SP6: variants seen among roughly 807,000 people sequenced by gnomAD.
SP6 encodes transcription factor Sp6.
In SP6, 10 loss-of-function variants were observed where a neutral mutation model predicts 23.4. The observed-to-expected ratio is 0.43, with a 90% confidence interval of 0.26 to 0.72. The LOEUF (loss-of-function observed/expected upper bound fraction) is 0.72. Ranked by LOEUF, SP6 falls within the 30% of genes least tolerant of loss-of-function variation. SP6 has a pLI of 0.23. For synonymous variants in SP6, 238 were observed against 238.7 expected (o/e 1.00, Z 0.03); for missense variants, 482 against 523.8 (o/e 0.92, Z 0.78).
upstream of SP6, among the ~76,000 whole-genome samples, chr17:47,858,767 C>CTTTTTTTTTTTTTTTTTTTT (rs36092685): frequency 1.4e-4 from 13 of 92,648 alleles, 4 homozygotes; most frequent in Non-Finnish European, 1.4e-4. Flanking sequence ...GATGAAGCAT[C>CTTTTTTTTTTTTTTTTTTTT]TTTTTTTTTT....
the SP6 span, among the ~76,000 whole-genome samples, chr17:47,873,489 A>G: frequency 6.6e-6 from 1 of 152,220 alleles, no homozygotes; most frequent in Non-Finnish European, 1.5e-5. Flanking sequence ...GGGAGGGGAA[A>G]GAGCACAGAA....
chr17:47,873,623 A>T, the SP6 span, among the ~76,000 whole-genome samples: 3 of 152,202 alleles, frequency 2.0e-5, no homozygotes, highest in South Asian at 6.2e-4. Context: ...TATCTCTGGG[A>T]AAAAAGGCTC....
At chr17:47,850,563 G>T (rs1287573947) in intron 1 of SP6, among the ~76,000 whole-genome samples, 6 of 152,246 alleles carry the variant, frequency 3.9e-5, no homozygotes, top group African/African-American at 1.4e-4. Context: ...TTCAGGAAAG[G>T]AGAGAGCACA....
upstream of SP6, among the ~76,000 whole-genome samples, chr17:47,860,857 T>G (rs992951466): frequency 7.9e-5 from 12 of 152,194 alleles, no homozygotes; most frequent in Admixed American, 2.0e-4. Context: ...CCCAGTGCCC[T>G]GTCAGGAATC....
chr17:47,873,619 T>C, the SP6 span, among the ~76,000 whole-genome samples: 1 of 152,150 alleles, frequency 6.6e-6, no homozygotes, highest in Non-Finnish European at 1.5e-5. Flanking sequence ...TGGCTATCTC[T>C]GGGAAAAAAG....
the SP6 span, among the ~76,000 whole-genome samples, chr17:47,866,048 A>G: frequency 0.024 from 3,658 of 151,994 alleles, 137 homozygotes; most frequent in African/African-American, 0.083. Context: ...CCAATTTTTC[A>G]TCATCTCCCC....
At chr17:47,870,813 AT>A in the SP6 span, among the ~76,000 whole-genome samples, 1 of 152,164 alleles carries the variant, frequency 6.6e-6, no homozygotes, top group South Asian at 2.1e-4. Context: ...CTTCAGGAAC[AT>A]CCACCTCCTC....
the SP6 span, among the ~76,000 whole-genome samples, chr17:47,872,408 G>A: frequency 2.8e-3 from 420 of 152,322 alleles, 2 homozygotes; most frequent in African/African-American, 9.8e-3. Context: ...GACAGTTTGG[G>A]ACCCGGGAGG....
chr17:47,847,928 G>T lies in SP6; in HGVS notation c.502C>A (p.Pro168Thr). The T allele has an allele frequency of 6.4e-7, 1 of 1,568,180 alleles. No individual in the cohort carries two copies. The highest frequency in any genetic ancestry group is 8.6e-7 in the Non-Finnish European group (1 of 1,156,644). ...DHQLCAPPPH[P>T]HAHHLLPAAG... Reference sequence around the variant, plus strand: ...GCTGGAAGGAGGTGGTGCGCATGCGGGTGGGGTGGCGGGGCACAAAGCTGG... The same window carrying T: ...GCTGGAAGGAGGTGGTGCGCATGCGTGTGGGGTGGCGGGGCACAAAGCTGG... Residue 168 changes from proline (P) to threonine (T), a missense_variant, in exon 2 of 2, where the codon CCG (proline) becomes ACG (threonine). Physicochemically the swap from Pro to Thr is conservative, Grantham distance 38. This residue lies in a region of SP6 where 330 missense variants were observed against 332.3 expected (regional missense o/e 0.99). Coordinates refer to ENST00000536300, the MANE Select transcript of SP6 (RefSeq NM_001258248.2).
chr17:47,875,433 G>C, the SP6 span, among the ~76,000 whole-genome samples: 1 of 152,130 alleles, frequency 6.6e-6, no homozygotes, highest in Non-Finnish European at 1.5e-5. Context: ...AAGCCTGGGG[G>C]GCCCCCTCTA....
upstream of SP6, among the ~76,000 whole-genome samples, chr17:47,858,024 C>T (rs957087283): frequency 7.9e-5 from 12 of 152,166 alleles, no homozygotes; most frequent in South Asian, 6.2e-4. Flanking sequence ...GGCTCCTCAG[C>T]GGCTCAGACT....
At chr17:47,852,768 C>A (rs946227190), upstream of SP6, among the ~76,000 whole-genome samples, 7 of 152,170 alleles carry the variant, frequency 4.6e-5, no homozygotes, top group African/African-American at 1.7e-4. Context: ...ACGTCGGATT[C>A]ATCTGTGCAT....
At chr17:47,851,714 A>ACCCCCGT (rs1390460848), upstream of SP6, among the ~76,000 whole-genome samples, 2 of 36,004 alleles carry the variant, frequency 5.6e-5, no homozygotes, top group East Asian at 7.7e-4. Flanking sequence ...CCGACCCCCG[A>ACCCCCGT]CCCCCGTCCC....
upstream of SP6, among the ~76,000 whole-genome samples, chr17:47,853,649 G>T (rs1282357630): frequency 6.6e-6 from 1 of 152,130 alleles, no homozygotes; most frequent in African/African-American, 2.4e-5. Flanking sequence ...CCCGAGGATG[G>T]TAGACACTCC....
chr17:47,847,563 G>A lies in SP6; in HGVS notation c.867C>T (p.Leu289=). ...AGCGCGTGAAGCGCTTGCCGCAGAA[G>A]AGCCAGTTGCACACGAAGGGACGGT... ...SGDRPFVCNW[L]FCGKRFTRSD... is the part of the protein sequence containing the mutation. Residue 289 remains leucine, a synonymous_variant, in exon 2 of 2, where the codon CTC becomes CTT. Transcript: ENST00000536300. 1 of 1,613,748 alleles carries A rather than the reference G, an allele frequency of 6.2e-7. No individual in the cohort carries two copies. The highest frequency in any genetic ancestry group is 8.5e-7 in the Non-Finnish European group (1 of 1,179,970).
chr17:47,860,953 C>G, the SP6 span, among the ~76,000 whole-genome samples: 1 of 152,144 alleles, frequency 6.6e-6, no homozygotes, highest in Non-Finnish European at 1.5e-5. Context: ...AACCCGCAGC[C>G]AGGGTCATCC....
the SP6 span, among the ~76,000 whole-genome samples, chr17:47,868,702 G>C: frequency 6.6e-6 from 1 of 152,172 alleles, no homozygotes; most frequent in Admixed American, 6.5e-5. Flanking sequence ...CAAGGAGCCA[G>C]GGCCACTTGT....
chr17:47,845,028 G>A lies in SP6; in HGVS notation c.*2271C>T, dbSNP rs2033869774. On this transcript the variant is annotated 3_prime_UTR_variant, in exon 2 of 2. Transcript: ENST00000536300. The stretch of plus-strand genomic sequence containing the variant: ...ATAAATTCCTACATTTTTCCTCTAG[G>A]GGGACTGCCTAGAAAGACAGGCAGC... 1 of 152,444 alleles carries A rather than the reference G, an allele frequency of 6.6e-6. No homozygotes were observed. Among genetic ancestry groups the A allele is most frequent in the Non-Finnish European group, 1.5e-5 (1 of 68,016 alleles). 9.4% of individuals were successfully genotyped at this position (152,444 alleles called of 1,614,324 possible).
Position 47,846,928 on chromosome 17 carries a change from C to T in SP6, c.*371G>A. The stretch of plus-strand genomic sequence containing the variant: ...GTCCAGACAGCCACCACCAGCGCCC[C>T]GGGCCGGCCCCACTTCTCTCTGCTC... On this transcript the variant is annotated 3_prime_UTR_variant, in exon 2 of 2. Transcript: ENST00000536300. The T allele has an allele frequency of 4.7e-6, 1 of 210,662 alleles. No homozygotes were observed. Among genetic ancestry groups the T allele is most frequent in the East Asian group, 1.0e-4 (1 of 9,730 alleles). The allele number at this position is 210,662 out of a possible 1,614,324, so 13.0% of individuals were successfully genotyped here. A position where few individuals can be genotyped will look rare whatever the true frequency, so the allele number is the denominator to read the frequency against.
Sources: gnomAD v4.1 joint callset for allele counts (sites outside exome capture counted in the v4.1 genomes callset) on GRCh38, gnomAD v4.1.1 for gene constraint, gnomAD v4.1.1 regional missense constraint, MANE v1.5 for transcripts, NCBI Gene and HGNC (gene_info 2026-07-23, HGNC 2026-07-21) for gene names.